Variants in MYB observed in about 807,000 individuals in gnomAD.
MYB encodes the protein MYB proto-oncogene, transcription factor.
In MYB, 28 loss-of-function variants were observed where a neutral mutation model predicts 92.9. The observed-to-expected ratio is 0.30, with a 90% confidence interval of 0.22 to 0.41. The LOEUF (loss-of-function observed/expected upper bound fraction) is 0.41, where lower values mean the gene tolerates loss of function less well. Ranked by LOEUF, MYB falls within the 10% of genes least tolerant of loss-of-function variation. The pLI is 1.00. For synonymous variants in MYB, 295 were observed against 329.1 expected, an observed-to-expected ratio of 0.90 and a Z score of 1.12; for missense variants, 679 against 929.3, an observed-to-expected ratio of 0.73 and a Z score of 3.50.
Position 135,181,492 on chromosome 6 carries a change from G to A in MYB, c.-22G>A. The A allele has an allele frequency of 8.9e-7, 1 of 1,125,978 alleles. No individual in the cohort carries two copies. Among genetic ancestry groups the A allele is most frequent in the Non-Finnish European group, 1.1e-6 (1 of 920,830 alleles). The allele number at this position is 1,125,978 out of a possible 1,614,324, so 69.7% of individuals were successfully genotyped here. ...CGGTGCGGTCCCCGCGGCTCTCGGC[G>A]GAGCCCCGCGCCCGCCGCGCCATGG... On this transcript the variant is annotated 5_prime_UTR_variant, in exon 1 of 16. Coordinates refer to ENST00000341911, the MANE Select transcript of MYB (RefSeq NM_001130173.2). The surrounding 1 kb of genome is among the most constrained non-coding windows in gnomAD (Gnocchi z 5.3).
intron 10 of MYB, among the ~76,000 whole-genome samples, chr6:135,198,652 G>A (rs991802355): frequency 1.3e-5 from 2 of 152,174 alleles, no homozygotes; most frequent in Admixed American, 1.3e-4. Context: ...GTCATTTATT[G>A]AGAGTATTTT....
At chr6:135,183,141 C>G (rs1583226016) in intron 1 of MYB, among the ~76,000 whole-genome samples, 1 of 151,448 alleles carries the variant, frequency 6.6e-6, no homozygotes, top group South Asian at 2.1e-4. Context: ...CGGGGCCGCG[C>G]AGGTTCCCTG....
intron 15 of MYB, among the ~76,000 whole-genome samples, chr6:135,208,515 G>C (rs981962739): frequency 6.6e-6 from 1 of 151,100 alleles, no homozygotes; most frequent in African/African-American, 2.4e-5. Flanking sequence ...GAGTAGCTGG[G>C]ACTATAGGCA....
At chr6:135,192,083 T>G (rs956439855) in intron 5 of MYB, among the ~76,000 whole-genome samples, 1 of 152,202 alleles carries the variant, frequency 6.6e-6, no homozygotes, top group Non-Finnish European at 1.5e-5. Flanking sequence ...ATGGAATGGT[T>G]AAAAGATACT....
intron 11 of MYB, 80 bp from the exon 12 acceptor site, chr6:135,200,005 A>G: frequency 9.1e-7 from 1 of 1,097,414 alleles, no homozygotes; most frequent in Non-Finnish European, 1.4e-6. Context: ...TTCAGTGGAA[A>G]AATGTTAAAT....
chr6:135,186,113 A>C, intron 2 of MYB, 93 bp downstream of exon 2: 197 of 991,572 alleles, frequency 2.0e-4, no homozygotes, highest in Middle Eastern at 8.3e-4. Context: ...GCTCAAGCTC[A>C]TTAGCAGGCT....
intron 15 of MYB, among the ~76,000 whole-genome samples, chr6:135,216,323 T>C (rs1780429853): frequency 6.6e-6 from 1 of 152,186 alleles, no homozygotes; most frequent in Non-Finnish European, 1.5e-5. Flanking sequence ...CCATATAATT[T>C]TTTTTATTAT....
rs1040899323 is a variant in MYB at position 135,197,284 on chromosome 6, G to A, written c.1527G>A (p.Lys509=). 3 of 1,613,570 alleles carry A rather than the reference G, an allele frequency of 1.9e-6. No homozygotes were observed. The highest frequency in any genetic ancestry group is 2.5e-6 in the Non-Finnish European group (3 of 1,179,672). Residue 509 remains lysine (K), a synonymous_variant, in exon 10 of 16, where the codon AAG becomes AAA. Coordinates refer to ENST00000341911, the MANE Select transcript of MYB (RefSeq NM_001130173.2). ...IFADVSSSTP[K]RSPVKSLPFS... Reference sequence around the variant, plus strand: ...CTGACGTCAGCAGTTCAACTCCCAAGCGTTCCCCTGTCAAAAGCCTACCCT... The same window carrying A: ...CTGACGTCAGCAGTTCAACTCCCAAACGTTCCCCTGTCAAAAGCCTACCCT...
intron 13 of MYB, 50 bp from the exon 14 acceptor site, chr6:135,201,589 G>A: frequency 7.7e-7 from 1 of 1,296,848 alleles, no homozygotes; most frequent in Non-Finnish European, 1.1e-6. Flanking sequence ...GACTGTACAT[G>A]TTTCATAGGA....
At position 135,194,250 on chromosome 6, in the gene MYB, G is replaced by C. The variant is rs1020361394; in HGVS notation, c.844-106G>C. On this transcript the variant is annotated intron_variant, in intron 7 of 15. Coordinates refer to ENST00000341911, the MANE Select transcript of MYB (RefSeq NM_001130173.2). The stretch of plus-strand genomic sequence containing the variant: ...TTGGTTGGTGGTGTTGTCACAGTGA[G>C]GCTCTTTGGGCTGTGCGGCACCTCA... The C allele has an allele frequency of 8.7e-6, 7 of 801,774 alleles. No individual in the cohort carries two copies. In the African/African-American group the frequency reaches 1.2e-4, roughly 14 times the overall value. The allele number at this position is 801,774 out of a possible 1,614,324, so 49.7% of individuals were successfully genotyped here.
At chr6:135,211,631 TA>T (rs1779714124) in intron 15 of MYB, among the ~76,000 whole-genome samples, 3 of 152,184 alleles carry the variant, frequency 2.0e-5, no homozygotes, top group African/African-American at 7.2e-5. Context: ...TGTGCCACCC[TA>T]GGCTATATGA....
At chr6:135,200,023 G>C in intron 11 of MYB, 62 bp from the exon 12 acceptor site, 1 of 1,271,896 alleles carries the variant, frequency 7.9e-7, no homozygotes, top group Non-Finnish European at 1.1e-6. Context: ...AATGTAACAG[G>C]TAAAGCCATG....
chr6:135,194,680 C>T (rs1027926237), intron 8 of MYB: 1 of 568,010 alleles, frequency 1.8e-6, no homozygotes, highest in African/African-American at 1.9e-5. Flanking sequence ...AATGCAATAT[C>T]CACTTATGAT....
intron 15 of MYB, among the ~76,000 whole-genome samples, chr6:135,205,837 A>G (rs935412891): frequency 6.6e-6 from 1 of 152,212 alleles, no homozygotes; most frequent in Admixed American, 6.5e-5. Flanking sequence ...TGGGAAGCCA[A>G]GACTGGAGGA....
intron 5 of MYB, among the ~76,000 whole-genome samples, chr6:135,191,977 C>T (rs1776689219): frequency 6.6e-6 from 1 of 152,312 alleles, no homozygotes; most frequent in East Asian, 1.9e-4. Context: ...TTCCCCAAGG[C>T]AGCTGGAACT....
chr6:135,209,646 GT>G (rs1779450465), intron 15 of MYB, among the ~76,000 whole-genome samples: 3 of 152,044 alleles, frequency 2.0e-5, no homozygotes, highest in South Asian at 4.1e-4. Flanking sequence ...TGTTATGTTT[GT>G]TTTTTTAATT....
In MYB at chr6:135,213,846, G is replaced by T. The variant is rs776014810; in HGVS notation, c.2170-4018G>T. 7.9e-5 allele frequency among the ~76,000 whole-genome samples: 12 copies of T among 152,138 alleles called. 1 individual carries two copies. The highest frequency in any genetic ancestry group is 1.3e-4 in the Non-Finnish European group (9 of 68,026). On this transcript the variant is annotated intron_variant, in intron 15 of 15. Transcript: ENST00000341911. The stretch of plus-strand genomic sequence containing the variant: ...GCTGCAGTGAGCTGTGATCATGCCA[G>T]CCTGGGCAAGGAGCAAGACCCTCTC...
intron 14 of MYB, among the ~76,000 whole-genome samples, chr6:135,202,097 T>C (rs893160639): frequency 3.3e-5 from 5 of 152,202 alleles, no homozygotes; most frequent in East Asian, 1.9e-4. Flanking sequence ...AGTTGTCTCT[T>C]GTTTGGTTTG....
intron 15 of MYB, among the ~76,000 whole-genome samples, chr6:135,204,135 T>C (rs1396765131): frequency 1.3e-5 from 2 of 152,192 alleles, no homozygotes; most frequent in Non-Finnish European, 1.5e-5. Context: ...TCATATTTCT[T>C]GCTGTAAGTT....
Sources: allele counts gnomAD v4.1 joint callset (sites outside exome capture counted in the v4.1 genomes callset), GRCh38; gene constraint gnomAD v4.1.1; non-coding constraint Gnocchi (gnomAD v3.1); transcripts MANE v1.5; gene names NCBI Gene and HGNC (gene_info 2026-07-23, HGNC 2026-07-21).